The following RIPOR2 variants were observed in gnomAD, a reference collection of about 807,000 sequenced individuals.
RIPOR2 encodes rho family-interacting cell polarization regulator 2.
In RIPOR2, 39 loss-of-function variants were observed where a neutral mutation model predicts 114.5. The observed-to-expected ratio is 0.34, with a 90% CI of 0.26 to 0.44. The LOEUF is 0.44. RIPOR2 is among the 20% of genes least tolerant of loss of function. The pLI, the probability that RIPOR2 is intolerant of heterozygous loss-of-function variation, is 1.00. For missense variants in RIPOR2, 1,007 were observed against 1,255.1 expected, an observed-to-expected ratio of 0.80 and a Z score of 2.99; for synonymous variants, 445 against 484.4, an observed-to-expected ratio of 0.92 and a Z score of 1.07.
At chr6:24,895,659 T>C (rs2817719) in intron 1 of RIPOR2, among the ~76,000 whole-genome samples, 113,775 of 152,146 alleles carry the variant, frequency 0.75, 43,729 homozygotes, top group African/African-American at 0.94. Context: ...CTCGTTCAGT[T>C]GCATACAAGG....
rs1780771595 is a variant in RIPOR2, at chr6:24,806,400, A to G, written c.3117T>C (p.His1039=). The G allele has an allele frequency of 1.3e-6, 2 of 1,551,398 alleles. No homozygotes were observed. The highest frequency in any genetic ancestry group is 2.0e-5 in the Admixed American group (1 of 50,926). ...PRDCVKVGGR[H]GTEVATAF is the part of the protein sequence containing the mutation. ...AAAAGGCTGTGGCAACTTCAGTTCC[A>G]TGACGACCTCCGACTTTAACACAGT... The change falls in exon 22 of 22, where the codon CAT becomes CAC. Residue 1039 remains histidine, a synonymous_variant. Coordinates refer to ENST00000643898, the MANE Select transcript of RIPOR2 (RefSeq NM_001286445.3).
At chr6:24,874,106 C>G (rs903117119) in intron 2 of RIPOR2, among the ~76,000 whole-genome samples, 2 of 152,140 alleles carry the variant, frequency 1.3e-5, no homozygotes, top group Admixed American at 1.3e-4. Context: ...TCATAGCTCA[C>G]TGCAGCCTTG....
At chr6:24,923,764 C>G (rs1770667225) in intron 1 of RIPOR2, among the ~76,000 whole-genome samples, 1 of 152,068 alleles carries the variant, frequency 6.6e-6, no homozygotes, top group Non-Finnish European at 1.5e-5. Context: ...ATGAGAATCA[C>G]TTGAATCTGG....
At chr6:24,836,193 G>T (rs1370545328) in intron 14 of RIPOR2, 1 of 264,054 alleles carries the variant, frequency 3.8e-6, no homozygotes, top group Non-Finnish European at 7.4e-6. Flanking sequence ...TTCCTGCTCT[G>T]TTGACAGGGT....
chr6:25,024,177 T>G, intron 1 of RIPOR2: 1 of 1,335,416 alleles, frequency 7.5e-7, no homozygotes, highest in Non-Finnish European at 1.1e-6. Context: ...GATTTCCACT[T>G]GTTTGCTGGC....
intron 1 of RIPOR2, among the ~76,000 whole-genome samples, chr6:24,935,230 C>T (rs1431717739): frequency 6.7e-6 from 1 of 150,058 alleles, no homozygotes; most frequent in African/African-American, 2.5e-5. Context: ...ATGACTTGAA[C>T]CCGGGAGACG....
At chr6:24,823,629 G>A (rs984888236) in intron 19 of RIPOR2, among the ~76,000 whole-genome samples, 1 of 152,210 alleles carries the variant, frequency 6.6e-6, no homozygotes, top group African/African-American at 2.4e-5. Flanking sequence ...ATATGAATTT[G>A]AGGGAATAAA....
chr6:24,881,815 G>A (rs1029640017), intron 1 of RIPOR2, among the ~76,000 whole-genome samples: 9 of 152,050 alleles, frequency 5.9e-5, no homozygotes, highest in African/African-American at 1.9e-4. Flanking sequence ...ATCAGCAGGC[G>A]GTTTTTGGAC....
intron 1 of RIPOR2, among the ~76,000 whole-genome samples, chr6:25,033,110 AG>A (rs1205215045): frequency 1.3e-5 from 2 of 152,142 alleles, no homozygotes; most frequent in Non-Finnish European, 2.9e-5. Flanking sequence ...AGGCTGAGGT[AG>A]GAAGACGGCT....
At chr6:24,905,380 G>A (rs1768874544) in intron 1 of RIPOR2, among the ~76,000 whole-genome samples, 1 of 151,720 alleles carries the variant, frequency 6.6e-6, no homozygotes, top group East Asian at 1.9e-4. Context: ...TGAGGATGAC[G>A]CATCACCGAG....
chr6:25,005,738 T>TATATATACATACATACATAC (rs34572978), intron 1 of RIPOR2, among the ~76,000 whole-genome samples: 1 of 70,700 alleles, frequency 1.4e-5, no homozygotes, highest in African/African-American at 4.1e-5. Flanking sequence ...TATATATATA[T>TATATATACATACATACATAC]ATACATTTAC....
rs548593460 is a variant in RIPOR2, at chr6:24,848,038, T to A, written c.1151A>T (p.Asp384Val). 6.2e-7 allele frequency: 1 copy of A among 1,613,926 alleles called. No homozygotes were observed. The highest frequency in any genetic ancestry group is 2.2e-5 in the East Asian group (1 of 44,862). ...QGTPETPTFK[D>V]HSFFSNLPDD... Reference sequence around the variant, plus strand: ...CACTGAACTTACAAAGAAGGAGTGGTCTTTGAAGGTGGGCGTTTCCGGGGT... The same window carrying A: ...CACTGAACTTACAAAGAAGGAGTGGACTTTGAAGGTGGGCGTTTCCGGGGT... The change falls in exon 12 of 22, where the codon GAC becomes GTC. Residue 384 changes from aspartate (D) to valine (V), a missense_variant. Asp to Val is a radical substitution (Grantham distance 152). Transcript: ENST00000643898.
rs1298725946 is a variant in RIPOR2 at position 24,832,346 on chromosome 6, A to T, written c.2254T>A (p.Leu752Ile). Residue 752 changes from leucine (L) to isoleucine (I), a missense_variant, in exon 16 of 22, where the codon TTA becomes ATA. Coordinates refer to ENST00000643898, the MANE Select transcript of RIPOR2 (RefSeq NM_001286445.3). ...TGGATCTGCCTAGAAAGCTTCTCTA[A>T]GAGACTTCTTGCCACAAATGGGGTT... Reference protein sequence around the residue: ...SKTPFVARSLLEKLSRQIQVM... With the variant: ...SKTPFVARSLIEKLSRQIQVM... The T allele has an allele frequency of 6.4e-7, 1 of 1,552,064 alleles. No homozygotes were observed. Among genetic ancestry groups the T allele is most frequent in the South Asian group, 1.2e-5 (1 of 84,064 alleles).
chr6:24,903,950 C>G (rs1037459294), intron 1 of RIPOR2, among the ~76,000 whole-genome samples: 1 of 152,182 alleles, frequency 6.6e-6, no homozygotes, highest in Non-Finnish European at 1.5e-5. Flanking sequence ...ATAGAGTGAT[C>G]GGCACTCAGC....
chr6:24,865,687 C>G (rs773623569), intron 6 of RIPOR2, among the ~76,000 whole-genome samples: 1 of 152,162 alleles, frequency 6.6e-6, no homozygotes, highest in African/African-American at 2.4e-5. Context: ...GGAAGTGCCT[C>G]TCTTGCATTG....
At chr6:25,030,375 A>C (rs1395145070) in intron 1 of RIPOR2, among the ~76,000 whole-genome samples, 1 of 152,088 alleles carries the variant, frequency 6.6e-6, no homozygotes, top group African/African-American at 2.4e-5. Context: ...GTTTGCTCAG[A>C]GCTTCCCCTG....
chr6:25,040,815 T>C (rs750776452), intron 1 of RIPOR2, among the ~76,000 whole-genome samples: 45 of 152,206 alleles, frequency 3.0e-4, no homozygotes, highest in Non-Finnish European at 5.3e-4. Flanking sequence ...GTGGTCTCGA[T>C]CTCTTGACGT....
intron 1 of RIPOR2, among the ~76,000 whole-genome samples, chr6:24,970,902 TAACATCTC>T (rs1443250717): frequency 6.6e-6 from 1 of 151,656 alleles, no homozygotes; most frequent in Non-Finnish European, 1.5e-5. Flanking sequence ...CAAATTTTTT[TAACATCTC>T]TAAGCTCCAG....
At chr6:24,943,809 CA>C (rs1275534062) in intron 1 of RIPOR2, among the ~76,000 whole-genome samples, 1 of 152,020 alleles carries the variant, frequency 6.6e-6, no homozygotes. Context: ...CCATTCCCCC[CA>C]AAGTCCCATT....
Sources: allele counts gnomAD v4.1 joint callset (sites outside exome capture counted in the v4.1 genomes callset), GRCh38; gene constraint gnomAD v4.1.1; transcripts MANE v1.5; gene names NCBI Gene and HGNC (gene_info 2026-07-23, HGNC 2026-07-21).